The following PMS2 variants were observed in gnomAD, a reference collection of about 807,000 sequenced individuals.
PMS2 encodes PMS1 homolog 2, mismatch repair system component.
A neutral mutation model predicts 90.0 loss-of-function variants in PMS2; 69 were observed. The observed-to-expected ratio is 0.77, with a 90% CI of 0.63 to 0.94. The LOEUF (loss-of-function observed/expected upper bound fraction) is 0.94. Ranked by LOEUF, PMS2 falls within the 40% of genes least tolerant of loss-of-function variation. PMS2 has a pLI of 0.00. For missense variants in PMS2, 966 were observed against 1,040.2 expected (o/e 0.93, Z 0.98); for synonymous variants, 332 against 375.1 (o/e 0.89, Z 1.33).
intron 7 of PMS2, among the ~76,000 whole-genome samples, chr7:5,996,707 T>C (rs924886789): frequency 6.6e-6 from 1 of 151,364 alleles, no homozygotes; most frequent in Non-Finnish European, 1.5e-5. Context: ...ACTGCCTTCA[T>C]CAGATGCCAG....
rs1476680478 is a variant in PMS2 at position 6,005,759 on chromosome 7, G to A, written c.163+133C>T. On this transcript the variant is annotated intron_variant, in intron 2 of 14. Transcript: ENST00000265849. The stretch of plus-strand genomic sequence containing the variant: ...GCTAAGTACTAGGCACATAATAGGT[G>A]CTAACTTCAACTTAAAAATAATAAT... 35 of 1,380,378 alleles carry A rather than the reference G, an allele frequency of 2.5e-5. No homozygotes were observed. The Admixed American group carries it at 5.6e-4, about 22-fold the overall frequency. 85.5% of individuals were successfully genotyped at this position (1,380,378 alleles called of 1,614,324 possible). A position where few individuals can be genotyped will look rare whatever the true frequency, so the allele number is the denominator to read the frequency against.
In PMS2 at chr7:5,973,459, ACAG is replaced by A. The variant is rs1781492149; in HGVS notation, c.2526_2528del (p.Cys843del). 1.2e-6 allele frequency: 1 copy of A among 823,000 alleles called. No homozygotes were observed. The allele number at this position is 823,000 out of a possible 1,614,324, so 51.0% of individuals were successfully genotyped here. A position where few individuals can be genotyped will look rare whatever the true frequency, so the allele number is the denominator to read the frequency against. On this transcript the variant is annotated inframe_deletion, in exon 15 of 15. Transcript: ENST00000265849. ...GTCTCATGGTTGGCCTTCCATGGGG[ACAG>A]TTCCAGGGGTGGTCCATCTCCCCCA...
rs863224369 is a variant in PMS2 at position 6,002,525 on chromosome 7, G to C, written c.465C>G (p.Thr155=). The change falls in exon 5 of 15, where the codon ACC becomes ACG. Residue 155 remains threonine (T), a synonymous_variant. Coordinates refer to ENST00000265849, the MANE Select transcript of PMS2 (RefSeq NM_000535.7). ...AAAATAACTGCTGCACGCTGACTGTGGTCCCTCTGGGGCGGGGGTAGGGGG... is the reference window on the plus strand; with the variant it reads ...AAAATAACTGCTGCACGCTGACTGTCGTCCCTCTGGGGCGGGGGTAGGGGG... The part of the protein sequence containing the change: ...QKTPYPRPRG[T]TVSVQQLFST... 6.2e-7 allele frequency: 1 copy of C among 1,611,540 alleles called. No individual in the cohort carries two copies. The highest frequency in any genetic ancestry group is 2.2e-5 in the East Asian group (1 of 44,892).
intron 12 of PMS2, among the ~76,000 whole-genome samples, chr7:5,979,160 C>A (rs1782047685): frequency 1.4e-5 from 2 of 140,994 alleles, no homozygotes; most frequent in Admixed American, 1.4e-4. Flanking sequence ...CAAGATCACG[C>A]CACTGTACTC....
chr7:6,005,323 G>C (rs1273506949), intron 2 of PMS2, among the ~76,000 whole-genome samples: 1 of 152,162 alleles, frequency 6.6e-6, no homozygotes, highest in Non-Finnish European at 1.5e-5. Context: ...TCGTGCCTCA[G>C]TGTCCCAAGT....
intron 9 of PMS2, among the ~76,000 whole-genome samples, chr7:5,991,537 TAA>T (rs34698038): frequency 6.2e-5 from 9 of 145,390 alleles, no homozygotes; most frequent in South Asian, 2.2e-4. Flanking sequence ...GAACTCTGTT[TAA>T]AAAAAAAAAA....
rs369681753 is a variant in PMS2 at position 6,009,020 on chromosome 7, G to T, written c.-1C>A. On this transcript the variant is annotated 5_prime_UTR_variant, in exon 1 of 15. Transcript: ENST00000265849. Reference sequence around the variant, plus strand: ...ACCTCGAGCTCTCAGCTCGCTCCATGGATGCAACACCCGATCCGCCTCGGG... The same window carrying T: ...ACCTCGAGCTCTCAGCTCGCTCCATTGATGCAACACCCGATCCGCCTCGGG... 6.2e-6 allele frequency: 10 copies of T among 1,612,452 alleles called. No individual in the cohort carries two copies. The African/African-American group carries it at 1.1e-4, about 17-fold the overall frequency.
chr7:5,992,475 A>T (rs1783879249), intron 8 of PMS2, among the ~76,000 whole-genome samples: 1 of 152,034 alleles, frequency 6.6e-6, no homozygotes, highest in African/African-American at 2.4e-5. Context: ...ACACGCCACC[A>T]TGACCAGATA....
intron 1 of PMS2, among the ~76,000 whole-genome samples, chr7:6,008,540 A>C (rs925127931): frequency 6.6e-6 from 1 of 152,140 alleles, no homozygotes; most frequent in African/African-American, 2.4e-5. Flanking sequence ...GCTTGAGCTC[A>C]GGCGTTCGAG....
At chr7:5,996,095 C>T (rs960080005) in intron 7 of PMS2, among the ~76,000 whole-genome samples, 7 of 152,174 alleles carry the variant, frequency 4.6e-5, no homozygotes, top group Non-Finnish European at 8.8e-5. Flanking sequence ...AAAGCGCTTG[C>T]TTCACATGAG....
At position 5,977,894 on chromosome 7, in the gene PMS2, C is replaced by T. The variant is rs542828871; in HGVS notation, c.2276-137G>A. The T allele has an allele frequency of 4.8e-5, 65 of 1,346,982 alleles. 1 individual carries two copies. The highest frequency in any genetic ancestry group is 6.3e-5 in the Non-Finnish European group (61 of 961,422). The allele number at this position is 1,346,982 out of a possible 1,614,324, so 83.4% of individuals were successfully genotyped here. ...CTGCACTTTGGGAGGCTGAGGCCAGCGGATCATGAGGTCAGGAGATACAGA... is the reference window on the plus strand; with the variant it reads ...CTGCACTTTGGGAGGCTGAGGCCAGTGGATCATGAGGTCAGGAGATACAGA... On this transcript the variant is annotated intron_variant, in intron 13 of 14. Transcript: ENST00000265849.
At chr7:5,980,009 A>G (rs1008797797) in intron 12 of PMS2, among the ~76,000 whole-genome samples, 1 of 27,342 alleles carries the variant, frequency 3.7e-5, no homozygotes, top group African/African-American at 1.1e-4. Context: ...GAGAGACTTC[A>G]CCCTGGGGTC....
intron 9 of PMS2, among the ~76,000 whole-genome samples, chr7:5,991,248 T>C (rs1379689777): frequency 6.6e-6 from 1 of 151,888 alleles, no homozygotes; most frequent in Admixed American, 6.6e-5. Flanking sequence ...ACAAAATTAT[T>C]TTCTCATCCC....
At chr7:5,991,924 T>C (rs1458940502) in intron 9 of PMS2, 49 bp downstream of exon 9, 1 of 864,356 alleles carries the variant, frequency 1.2e-6, no homozygotes, top group Non-Finnish European at 2.0e-6. Flanking sequence ...TTCATTTTAT[T>C]CTTTGAGGCA....
intron 6 of PMS2, among the ~76,000 whole-genome samples, chr7:5,998,713 C>A (rs1218612681): frequency 6.8e-6 from 1 of 146,206 alleles, no homozygotes; most frequent in Non-Finnish European, 1.5e-5. Flanking sequence ...AAAAACCGGC[C>A]GGGCTTGGTG....
intron 5 of PMS2, among the ~76,000 whole-genome samples, chr7:6,001,305 AT>A (rs1438378871): frequency 6.6e-6 from 1 of 151,534 alleles, no homozygotes; most frequent in African/African-American, 2.4e-5. Flanking sequence ...ACATTTAGCT[AT>A]TTTCATTTGC....
chr7:5,987,547 T>C lies in PMS2; in HGVS notation c.1218A>G (p.Leu406=), dbSNP rs1583323141. 1.2e-6 allele frequency: 2 copies of C among 1,614,006 alleles called. No homozygotes were observed. The highest frequency in any genetic ancestry group is 1.7e-6 in the Non-Finnish European group (2 of 1,179,910). Residue 406 remains leucine (L), a synonymous_variant, in exon 11 of 15, where the codon TTA becomes TTG. Transcript: ENST00000265849. ...MVEKQDQSPS[L]RTGEEKKDVS... ...CGTCTTTTTTTTCTTCTCCAGTCCTTAATGAAGGGGATTGATCCTGCTTTT... is the reference window on the plus strand; with the variant it reads ...CGTCTTTTTTTTCTTCTCCAGTCCTCAATGAAGGGGATTGATCCTGCTTTT...
intron 8 of PMS2, among the ~76,000 whole-genome samples, chr7:5,994,715 G>T (rs7798762): frequency 0.019 from 2,927 of 151,876 alleles, 89 homozygotes; most frequent in African/African-American, 0.068. Flanking sequence ...GGCGGAGCTT[G>T]CAGTGAGCCG....
At chr7:6,001,094 T>A (rs1583395810) in intron 5 of PMS2, among the ~76,000 whole-genome samples, 2 of 152,246 alleles carry the variant, frequency 1.3e-5, no homozygotes, top group East Asian at 1.9e-4. Flanking sequence ...AAAACACACA[T>A]ACAAAATGGG....
Sources: gnomAD v4.1 joint callset for allele counts (sites outside exome capture counted in the v4.1 genomes callset) on GRCh38, gnomAD v4.1.1 for gene constraint, MANE v1.5 for transcripts, NCBI Gene and HGNC (gene_info 2026-07-23, HGNC 2026-07-21) for gene names.